Variants in POLR1A observed in about 807,000 individuals in gnomAD.
POLR1A encodes DNA-directed RNA polymerase I subunit RPA1.
Under a neutral mutation model 205.3 loss-of-function variants are expected in POLR1A, and 84 were observed. That is an observed-to-expected ratio of 0.41 (90% CI 0.34 to 0.49). The LOEUF (loss-of-function observed/expected upper bound fraction) is 0.49, where lower values mean the gene tolerates loss of function less well. Ranked by LOEUF, POLR1A falls within the 20% of genes least tolerant of loss-of-function variation. POLR1A has a pLI of 0.22. For synonymous variants in POLR1A, 799 were observed against 863.7 expected, an observed-to-expected ratio of 0.93 and a Z score of 1.31; for missense variants, 1,645 against 2,204.5, an observed-to-expected ratio of 0.75 and a Z score of 5.08.
At chr2:86,079,052 G>A (rs1161676758) in intron 9 of POLR1A, among the ~76,000 whole-genome samples, 1 of 152,148 alleles carries the variant, frequency 6.6e-6, no homozygotes, top group Admixed American at 6.5e-5. Flanking sequence ...TCCAGTGTGG[G>A]CAGATAAGAG....
At position 86,084,499 on chromosome 2, in the gene POLR1A, A is replaced by C. The variant is rs577911064; in HGVS notation, c.731-1331T>G. ...ATCCACTGAAACTAAGCATTACTCA[A>C]TGTTCCTTTTTTATTCACATATCAG... On this transcript the variant is annotated intron_variant, in intron 6 of 33. Coordinates refer to ENST00000263857, the MANE Select transcript of POLR1A (RefSeq NM_015425.6). Among the ~76,000 whole-genome samples, 94 of 152,148 alleles carry C rather than the reference A, an allele frequency of 6.2e-4. 3 individuals are homozygous for C. The South Asian group carries it at 0.011, about 18-fold the overall frequency.
intron 3 of POLR1A, among the ~76,000 whole-genome samples, chr2:86,092,576 G>C (rs556463821): frequency 6.6e-6 from 1 of 152,358 alleles, no homozygotes; most frequent in African/African-American, 2.4e-5. Flanking sequence ...TGTAATCCCA[G>C]CACTTTGGGA....
chr2:86,081,753 T>A, intron 7 of POLR1A, 47 bp from the exon 8 acceptor site: 1 of 1,114,086 alleles, frequency 9.0e-7, no homozygotes, highest in Non-Finnish European at 1.4e-6. Flanking sequence ...AATCTATCAC[T>A]AAGGGCATGG....
intron 3 of POLR1A, among the ~76,000 whole-genome samples, chr2:86,095,854 A>T (rs1343734309): frequency 1.3e-5 from 2 of 151,820 alleles, no homozygotes; most frequent in East Asian, 3.9e-4. Flanking sequence ...CAGCCTCCGG[A>T]GTAGCTGGGA....
intron 16 of POLR1A, among the ~76,000 whole-genome samples, chr2:86,049,482 C>T (rs958186249): frequency 6.6e-6 from 1 of 152,222 alleles, no homozygotes; most frequent in Non-Finnish European, 1.5e-5. Context: ...AATTGGGCTA[C>T]TTTCCCATGG....
chr2:86,034,947 T>G (rs965917631), intron 27 of POLR1A, among the ~76,000 whole-genome samples: 1 of 152,060 alleles, frequency 6.6e-6, no homozygotes, highest in Non-Finnish European at 1.5e-5. Context: ...CTCGGCTCAC[T>G]GCAACCTCCG....
chr2:86,103,599 T>C (rs1474968612), intron 1 of POLR1A, among the ~76,000 whole-genome samples: 2 of 152,242 alleles, frequency 1.3e-5, no homozygotes, highest in Non-Finnish European at 2.9e-5. Flanking sequence ...TATCCACTTA[T>C]GGCAGTGATG....
chr2:86,083,578 T>C (rs1673442774), intron 6 of POLR1A, among the ~76,000 whole-genome samples: 1 of 152,234 alleles, frequency 6.6e-6, no homozygotes, highest in African/African-American at 2.4e-5. Flanking sequence ...TGTTGCTATG[T>C]AGCTTTTGCC....
intron 14 of POLR1A, among the ~76,000 whole-genome samples, chr2:86,060,372 T>A (rs1382980988): frequency 6.6e-6 from 1 of 151,774 alleles, no homozygotes; most frequent in Admixed American, 6.6e-5. Context: ...CTTTTTTTTT[T>A]AAAGGTATAT....
rs3217271 is a variant in POLR1A at position 86,080,761 on chromosome 2, CAG to C, written c.1086+53_1086+54del. The C allele has an allele frequency of 0.087, 130,917 of 1,503,054 alleles. 8,198 individuals carry two copies. The highest frequency in any genetic ancestry group is 0.33 in the East Asian group (14,400 of 43,542). 93.1% of individuals were successfully genotyped at this position (1,503,054 alleles called of 1,614,324 possible). ...ACCCAGTGTCTACATCCACAGCTCA[CAG>C]AGTTAGCACTAAGCATGTGTGCTCA... On this transcript the variant is annotated intron_variant, in intron 9 of 33. Coordinates refer to ENST00000263857, the MANE Select transcript of POLR1A (RefSeq NM_015425.6).
At chr2:86,095,136 C>G (rs905191414) in intron 3 of POLR1A, among the ~76,000 whole-genome samples, 2 of 152,236 alleles carry the variant, frequency 1.3e-5, no homozygotes, top group South Asian at 4.1e-4. Context: ...ACCCTTCCCA[C>G]GAAGCTTTGC....
At chr2:86,082,995 T>C in intron 7 of POLR1A, 87 bp downstream of exon 7, 1 of 1,011,184 alleles carries the variant, frequency 9.9e-7, no homozygotes, top group Non-Finnish European at 1.6e-6. Context: ...CACTACAACT[T>C]AAAAGAAGTA....
intron 3 of POLR1A, among the ~76,000 whole-genome samples, chr2:86,091,565 T>C (rs1333318891): frequency 6.6e-6 from 1 of 152,200 alleles, no homozygotes; most frequent in Non-Finnish European, 1.5e-5. Flanking sequence ...TTACTTTGTA[T>C]TGGACTGTAC....
chr2:86,076,542 A>T (rs1673287059), intron 11 of POLR1A, among the ~76,000 whole-genome samples: 1 of 152,242 alleles, frequency 6.6e-6, no homozygotes, highest in African/African-American at 2.4e-5. Context: ...CCAAGGGGCC[A>T]GAGGCAGTTC....
At chr2:86,088,149 A>G (rs1425586474) in intron 6 of POLR1A, among the ~76,000 whole-genome samples, 1 of 152,220 alleles carries the variant, frequency 6.6e-6, no homozygotes, top group Admixed American at 6.5e-5. Flanking sequence ...AGTAGCCTGC[A>G]GGAGGCGCTC....
In POLR1A at chr2:86,028,485, G is replaced by T; in HGVS notation, c.4897+109C>A. On this transcript the variant is annotated intron_variant, in intron 32 of 33. Transcript: ENST00000263857. This position sits in a 1 kb window ranked among gnomAD's most constrained non-coding sequence, Gnocchi z 4.5. ...CGCATGCTGCAGTGCCTGCCTTAGT[G>T]CTGGACTGACTCGGTGCTGGACCGA... The T allele has an allele frequency of 1.3e-6, 1 of 780,444 alleles. No homozygotes were observed. Among genetic ancestry groups the T allele is most frequent in the Non-Finnish European group, 2.3e-6 (1 of 431,788 alleles). 48.3% of individuals were successfully genotyped at this position (780,444 alleles called of 1,614,324 possible).
Position 86,021,795 on chromosome 2 carries a change from A to T in POLR1A, c.*5628T>A, listed in dbSNP as rs1034595217. The stretch of plus-strand genomic sequence containing the variant: ...ATGGTGAGGATGGGCATGGTCAGGT[A>T]TCTGTCGGCTGGGACAAACCTCCCA... On this transcript the variant is annotated 3_prime_UTR_variant, in exon 34 of 34. Coordinates refer to ENST00000263857, the MANE Select transcript of POLR1A (RefSeq NM_015425.6). The T allele has an allele frequency of 1.3e-5, 2 of 152,258 alleles. No individual in the cohort carries two copies. The highest frequency in any genetic ancestry group is 4.8e-5 in the African/African-American group (2 of 41,448). 9.4% of individuals were successfully genotyped at this position (152,258 alleles called of 1,614,324 possible). A position where few individuals can be genotyped will look rare whatever the true frequency, so the allele number is the denominator to read the frequency against.
At chr2:86,043,604 G>A (rs1191508096) in intron 22 of POLR1A, among the ~76,000 whole-genome samples, 1 of 152,082 alleles carries the variant, frequency 6.6e-6, no homozygotes, top group Non-Finnish European at 1.5e-5. Flanking sequence ...CCTTAGACAG[G>A]TCACATCGGT....
intron 6 of POLR1A, among the ~76,000 whole-genome samples, chr2:86,086,354 C>T (rs181440690): frequency 3.7e-4 from 57 of 152,080 alleles, no homozygotes; most frequent in Admixed American, 1.3e-3. Context: ...CCGAAGTGCT[C>T]GGATTACAGG....
Sources: gnomAD v4.1 joint callset for allele counts (sites outside exome capture counted in the v4.1 genomes callset) on GRCh38, gnomAD v4.1.1 for gene constraint, Gnocchi (gnomAD v3.1) non-coding constraint, MANE v1.5 for transcripts, NCBI Gene and HGNC (gene_info 2026-07-23, HGNC 2026-07-21) for gene names.